EMC8: variants seen among roughly 807,000 people sequenced by gnomAD.
EMC8 encodes the protein COX4 neighbor.
A neutral mutation model predicts 24.3 loss-of-function variants in EMC8; 11 were observed. That is an observed-to-expected ratio of 0.45 (90% CI 0.28 to 0.75). The LOEUF (loss-of-function observed/expected upper bound fraction) is 0.75. Among genes scored for constraint, EMC8 ranks in the 30% least tolerant of loss-of-function variants. The pLI is 0.12. For missense variants in EMC8, 277 were observed against 282.7 expected (o/e 0.98, Z 0.14); for synonymous variants, 145 against 117.7 (o/e 1.23, Z -1.50).
At chr16:85,794,893 T>C (rs1269688768) in intron 1 of EMC8, among the ~76,000 whole-genome samples, 2 of 152,184 alleles carry the variant, frequency 1.3e-5, no homozygotes, top group African/African-American at 4.8e-5. Flanking sequence ...AGTGGGCCCC[T>C]GCGGTGCCCG....
chr16:85,794,960 C>A (rs1231406145), intron 1 of EMC8, among the ~76,000 whole-genome samples: 1 of 152,168 alleles, frequency 6.6e-6, no homozygotes, highest in African/African-American at 2.4e-5. Context: ...CATCTTTCCT[C>A]CCTGGTAAGT....
intron 2 of EMC8, among the ~76,000 whole-genome samples, chr16:85,783,047 C>A (rs562620756): frequency 6.6e-6 from 1 of 152,316 alleles, no homozygotes; most frequent in African/African-American, 2.4e-5. Context: ...CGCCTGTAAT[C>A]CCTGCACTTT....
At chr16:85,794,140 C>G (rs940659830) in intron 1 of EMC8, among the ~76,000 whole-genome samples, 4 of 152,316 alleles carry the variant, frequency 2.6e-5, no homozygotes, top group African/African-American at 9.6e-5. Flanking sequence ...GTGAAAACTG[C>G]ATCTTCTATG....
intron 2 of EMC8, among the ~76,000 whole-genome samples, chr16:85,782,206 C>T (rs1481878756): frequency 6.6e-6 from 1 of 152,182 alleles, no homozygotes; most frequent in African/African-American, 2.4e-5. Flanking sequence ...AGCTTGTCCA[C>T]TGTAACAAGT....
intron 1 of EMC8, among the ~76,000 whole-genome samples, chr16:85,793,147 C>T (rs1905086489): frequency 6.6e-6 from 1 of 152,198 alleles, no homozygotes; most frequent in Non-Finnish European, 1.5e-5. Context: ...CCCTTTCATT[C>T]CCAACTAGAC....
At chr16:85,797,177 G>A (rs1905271838) in intron 1 of EMC8, among the ~76,000 whole-genome samples, 1 of 152,208 alleles carries the variant, frequency 6.6e-6, no homozygotes, top group South Asian at 2.1e-4. Flanking sequence ...GGATGCGGAG[G>A]TGGCCGTATT....
chr16:85,785,343 G>A (rs1262068268), intron 2 of EMC8, among the ~76,000 whole-genome samples: 1 of 152,130 alleles, frequency 6.6e-6, no homozygotes, highest in African/African-American at 2.4e-5. Flanking sequence ...GTTAAGGTGG[G>A]TGGATCACTT....
At chr16:85,787,636 G>C (rs1217869770) in intron 2 of EMC8, 4 of 152,286 alleles carry the variant, frequency 2.6e-5, no homozygotes, top group Non-Finnish European at 5.9e-5. Flanking sequence ...AGTCAGAAGA[G>C]ATGCGCTGAA....
At chr16:85,782,025 A>T (rs947872090) in intron 2 of EMC8, 3 of 152,296 alleles carry the variant, frequency 2.0e-5, no homozygotes, top group East Asian at 3.9e-4. Context: ...TCCAACCAGA[A>T]AGCCCTGGTG....
At position 85,799,267 on chromosome 16, in the gene EMC8, G is replaced by A; in HGVS notation, c.29C>T (p.Ala10Val). Residue 10 changes from alanine (A) to valine (V), a missense_variant, in exon 1 of 5, where the codon GCC becomes GTC. Coordinates refer to ENST00000253457, the MANE Select transcript of EMC8 (RefSeq NM_006067.5). This position sits in a 1 kb window ranked among gnomAD's most constrained non-coding sequence, Gnocchi z 4.2. The stretch of plus-strand genomic sequence containing the variant: ...GCCGTGCAGCACCATCTTGCAGTAG[G>A]CCTGGGTGGTCAGTTTCACCCCGGG... MPGVKLTTQ[A>V]YCKMVLHGAK... 6.2e-7 allele frequency: 1 copy of A among 1,610,734 alleles called. No homozygotes were observed. Among genetic ancestry groups the A allele is most frequent in the Non-Finnish European group, 8.5e-7 (1 of 1,179,526 alleles).
chr16:85,799,387 A>T lies in EMC8; in HGVS notation c.-92T>A, dbSNP rs964251466. ...CGCGGCGCCTCAGCCGAGAAGCGGGACGAGGCGGCGGCGATTGATGGCGCG... is the reference window on the plus strand; with the variant it reads ...CGCGGCGCCTCAGCCGAGAAGCGGGTCGAGGCGGCGGCGATTGATGGCGCG... On this transcript the variant is annotated 5_prime_UTR_variant, in exon 1 of 5. Transcript: ENST00000253457. This position sits in a 1 kb window ranked among gnomAD's most constrained non-coding sequence, Gnocchi z 4.2. 3.8e-6 allele frequency: 3 copies of T among 780,890 alleles called. No individual in the cohort carries two copies. In the African/African-American group the frequency reaches 5.7e-5, roughly 15 times the overall value. The allele number at this position is 780,890 out of a possible 1,614,324, so 48.4% of individuals were successfully genotyped here.
Position 85,799,375 on chromosome 16 carries a change from C to A in EMC8, c.-80G>T, listed in dbSNP as rs1283858066. The A allele has an allele frequency of 8.8e-6, 8 of 909,032 alleles. No homozygotes were observed. The East Asian group carries it at 2.0e-4, about 22-fold the overall frequency. The allele number at this position is 909,032 out of a possible 1,614,324, so 56.3% of individuals were successfully genotyped here. On this transcript the variant is annotated 5_prime_UTR_variant, in exon 1 of 5. Coordinates refer to ENST00000253457, the MANE Select transcript of EMC8 (RefSeq NM_006067.5). The surrounding 1 kb of genome is among the most constrained non-coding windows in gnomAD (Gnocchi z 4.2). ...GCTGCCTGGCCGCGCGGCGCCTCAG[C>A]CGAGAAGCGGGACGAGGCGGCGGCG...
chr16:85,792,802 A>C (rs1385522628), intron 1 of EMC8: 1 of 152,254 alleles, frequency 6.6e-6, no homozygotes, highest in Non-Finnish European at 1.5e-5. Flanking sequence ...GACAAGGCAC[A>C]GCCGAGAAGC....
In EMC8 at chr16:85,794,812, G is replaced by C. The variant is rs576606569; in HGVS notation, c.231+4253C>G. On this transcript the variant is annotated intron_variant, in intron 1 of 4. Coordinates refer to ENST00000253457, the MANE Select transcript of EMC8 (RefSeq NM_006067.5). ...TGCTGGATGGGGACTCATGTGGTGG[G>C]GGGAGGTGCTGGAGGCTGGATGTCT... Among the ~76,000 whole-genome samples, 8 of 152,298 alleles carry C rather than the reference G, an allele frequency of 5.3e-5. No individual in the cohort carries two copies. The East Asian group carries it at 1.2e-3, about 22-fold the overall frequency.
At chr16:85,780,589 T>C in intron 3 of EMC8, 116 bp from the exon 4 acceptor site, 1 of 707,894 alleles carries the variant, frequency 1.4e-6, no homozygotes, top group South Asian at 1.6e-5. Context: ...GCAGAGACTC[T>C]TCCGACAGAG....
chr16:85,796,056 G>C (rs1371852153), intron 1 of EMC8, among the ~76,000 whole-genome samples: 1 of 152,166 alleles, frequency 6.6e-6, no homozygotes, highest in African/African-American at 2.4e-5. Context: ...GCTAAGACCT[G>C]CTCTCATGGC....
chr16:85,779,506 G>C lies in EMC8; in HGVS notation c.*202C>G. On this transcript the variant is annotated 3_prime_UTR_variant, in exon 5 of 5. Coordinates refer to ENST00000253457, the MANE Select transcript of EMC8 (RefSeq NM_006067.5). ...CTGAGAGAGTCCACAGGGACAGTCA[G>C]ACGGGATGTCTGCACCTCTTCTAGA... The C allele has an allele frequency of 1.8e-6, 1 of 543,782 alleles. No individual in the cohort carries two copies. The highest frequency in any genetic ancestry group is 3.2e-5 in the East Asian group (1 of 31,476). 33.7% of individuals were successfully genotyped at this position (543,782 alleles called of 1,614,324 possible).
chr16:85,779,727 G>A lies in EMC8; in HGVS notation c.614C>T (p.Ala205Val), dbSNP rs9354. The A allele has an allele frequency of 1.2e-6, 2 of 1,614,114 alleles. No individual in the cohort carries two copies. Among genetic ancestry groups the A allele is most frequent in the Non-Finnish European group, 1.7e-6 (2 of 1,180,038 alleles). Reference protein sequence around the residue: ...NDWTNPEINKAVLHLC With the variant: ...NDWTNPEINKVVLHLC Reference sequence around the variant, plus strand: ...GCCTGCCTAGCACAAGTGTAGGACAGCTTTATTGATCTCTGGGTTTGTCCA... The same window carrying A: ...GCCTGCCTAGCACAAGTGTAGGACAACTTTATTGATCTCTGGGTTTGTCCA... The change falls in exon 5 of 5, where the codon GCT becomes GTT. Residue 205 changes from alanine (A) to valine (V), a missense_variant. By Grantham distance (64) the Ala-to-Val change is moderately conservative (BLOSUM62 0). Transcript: ENST00000253457.
At chr16:85,787,835 A>C (rs555760992) in intron 2 of EMC8, among the ~76,000 whole-genome samples, 11 of 152,196 alleles carry the variant, frequency 7.2e-5, no homozygotes, top group African/African-American at 2.6e-4. Context: ...GGGTAAGATA[A>C]TTATGTTTCT....
Sources: gnomAD v4.1 joint callset for allele counts (sites outside exome capture counted in the v4.1 genomes callset) on GRCh38, gnomAD v4.1.1 for gene constraint, Gnocchi (gnomAD v3.1) non-coding constraint, MANE v1.5 for transcripts, NCBI Gene and HGNC (gene_info 2026-07-23, HGNC 2026-07-21) for gene names.